The following PTPRO variants were observed in gnomAD, a reference collection of about 807,000 sequenced individuals.
PTPRO encodes the protein protein tyrosine phosphatase receptor type O, also known as receptor-type tyrosine-protein phosphatase O.
In PTPRO, 62 loss-of-function variants were observed where a neutral mutation model predicts 145.2. That is an observed-to-expected ratio of 0.43 (90% CI 0.35 to 0.53). The LOEUF (loss-of-function observed/expected upper bound fraction) is 0.53, where lower values mean the gene tolerates loss of function less well. Among genes scored for constraint, PTPRO ranks in the 20% least tolerant of loss-of-function variants. PTPRO has a pLI of 0.01. For synonymous variants in PTPRO, 565 were observed against 514.7 expected, an observed-to-expected ratio of 1.10 and a Z score of -1.32; for missense variants, 1,345 against 1,482.7, an observed-to-expected ratio of 0.91 and a Z score of 1.53.
chr12:15,522,301 C>T (rs1156708110), intron 10 of PTPRO, among the ~76,000 whole-genome samples: 5 of 150,028 alleles, frequency 3.3e-5, no homozygotes, highest in East Asian at 3.9e-4. Context: ...ACAGAACATG[C>T]AGTTTGTTAC....
At chr12:15,474,138 CAT>C (rs1941603508) in intron 1 of PTPRO, among the ~76,000 whole-genome samples, 1 of 152,102 alleles carries the variant, frequency 6.6e-6, no homozygotes, top group Admixed American at 6.5e-5. Context: ...AAAGAAAAAA[CAT>C]ATATAAACAA....
At chr12:15,417,821 A>G (rs1232930520) in intron 1 of PTPRO, among the ~76,000 whole-genome samples, 1 of 151,714 alleles carries the variant, frequency 6.6e-6, no homozygotes, top group Non-Finnish European at 1.5e-5. Context: ...CTTTAATACT[A>G]GGATTTAGTC....
At chr12:15,554,587 A>C (rs1026287560) in intron 15 of PTPRO, among the ~76,000 whole-genome samples, 7 of 152,134 alleles carry the variant, frequency 4.6e-5, no homozygotes, top group Non-Finnish European at 1.0e-4. Context: ...CCAATGTTGA[A>C]GGGCAGGAAG....
intron 12 of PTPRO, among the ~76,000 whole-genome samples, chr12:15,545,092 A>G (rs964015645): frequency 2.0e-5 from 3 of 152,146 alleles, no homozygotes; most frequent in Admixed American, 6.5e-5. Flanking sequence ...AGTCACAATG[A>G]TGATATTCTA....
intron 1 of PTPRO, among the ~76,000 whole-genome samples, chr12:15,366,343 G>T (rs201871064): frequency 7.3e-6 from 1 of 136,954 alleles, no homozygotes; most frequent in East Asian, 2.0e-4. Flanking sequence ...GGTATATGGT[G>T]CCCTAGCTGA....
At chr12:15,368,460 A>G (rs1257170301) in intron 1 of PTPRO, among the ~76,000 whole-genome samples, 2 of 152,098 alleles carry the variant, frequency 1.3e-5, no homozygotes, top group African/African-American at 2.4e-5. Flanking sequence ...TAATTGATTG[A>G]TTGATTGATT....
intron 6 of PTPRO, among the ~76,000 whole-genome samples, chr12:15,506,301 T>C (rs1055702589): frequency 1.3e-5 from 2 of 152,166 alleles, no homozygotes; most frequent in Non-Finnish European, 2.9e-5. Context: ...AATCAGATTT[T>C]CAAAAGCAAT....
chr12:15,465,531 A>G (rs1941397075), intron 1 of PTPRO, among the ~76,000 whole-genome samples: 1 of 152,238 alleles, frequency 6.6e-6, no homozygotes, highest in Non-Finnish European at 1.5e-5. Context: ...GTAGAGTTGT[A>G]TGTTTCCAGG....
intron 1 of PTPRO, among the ~76,000 whole-genome samples, chr12:15,480,049 C>T (rs185402452): frequency 3.9e-5 from 6 of 152,194 alleles, no homozygotes; most frequent in Non-Finnish European, 7.4e-5. Flanking sequence ...AGGATGAAAC[C>T]AAATATGCCT....
rs1457041239 is a variant in PTPRO, at chr12:15,597,169, T to G, written c.*1096T>G. On this transcript the variant is annotated 3_prime_UTR_variant, in exon 27 of 27. Transcript: ENST00000281171. ...TTTGTTATTCTTTTGGTTGTCAGTTTCATTTTAACGAGTGTAACTAGTAAC... is the reference window on the plus strand; with the variant it reads ...TTTGTTATTCTTTTGGTTGTCAGTTGCATTTTAACGAGTGTAACTAGTAAC... The G allele has an allele frequency of 6.6e-6, 1 of 152,292 alleles. No individual in the cohort carries two copies. Among genetic ancestry groups the G allele is most frequent in the East Asian group, 1.9e-4 (1 of 5,202 alleles). The allele number at this position is 152,292 out of a possible 1,614,324, so 9.4% of individuals were successfully genotyped here. A position where few individuals can be genotyped will look rare whatever the true frequency, so the allele number is the denominator to read the frequency against.
Position 15,596,454 on chromosome 12 carries a change from T to C in PTPRO, c.*381T>C, listed in dbSNP as rs1591784786. 2 of 152,624 alleles carry C rather than the reference T, an allele frequency of 1.3e-5. No individual in the cohort carries two copies. The highest frequency in any genetic ancestry group is 3.8e-4 in the East Asian group (2 of 5,196). 9.5% of individuals were successfully genotyped at this position (152,624 alleles called of 1,614,324 possible). A position where few individuals can be genotyped will look rare whatever the true frequency, so the allele number is the denominator to read the frequency against. On this transcript the variant is annotated 3_prime_UTR_variant, in exon 27 of 27. Coordinates refer to ENST00000281171, the MANE Select transcript of PTPRO (RefSeq NM_030667.3). ...AATTTTTGTGTGTGTGTGATTCTTA[T>C]CAGAAAGTTGAATTGTTTTCTGCCT...
intron 8 of PTPRO, among the ~76,000 whole-genome samples, chr12:15,516,181 G>A (rs1470934116): frequency 6.7e-6 from 1 of 149,970 alleles, no homozygotes; most frequent in African/African-American, 2.4e-5. Context: ...TAGTAGAGAC[G>A]GGGTTTCACC....
intron 1 of PTPRO, among the ~76,000 whole-genome samples, chr12:15,404,644 T>G (rs1939597617): frequency 6.6e-6 from 1 of 152,246 alleles, no homozygotes; most frequent in Admixed American, 6.5e-5. Context: ...TTATTAATCA[T>G]ACTTCATCAG....
chr12:15,571,776 G>A (rs1269053340), intron 19 of PTPRO, among the ~76,000 whole-genome samples: 2 of 152,176 alleles, frequency 1.3e-5, no homozygotes, highest in East Asian at 1.9e-4. Context: ...AGAGAGGGCA[G>A]ATGCACAGAA....
chr12:15,581,644 G>A, intron 22 of PTPRO, 35 bp from the exon 23 acceptor site: 1 of 1,610,330 alleles, frequency 6.2e-7, no homozygotes, highest in Non-Finnish European at 8.5e-7. Context: ...TTCCTAGCCT[G>A]TTTGTTTTAA....
At chr12:15,564,053 C>A (rs1054695982) in intron 17 of PTPRO, among the ~76,000 whole-genome samples, 2 of 152,084 alleles carry the variant, frequency 1.3e-5, no homozygotes, top group Non-Finnish European at 2.9e-5. Flanking sequence ...CAGCTATGTC[C>A]AACATGATAG....
At chr12:15,531,372 A>G (rs1942959133) in intron 12 of PTPRO, among the ~76,000 whole-genome samples, 1 of 152,200 alleles carries the variant, frequency 6.6e-6, no homozygotes. Context: ...TAATATGCCA[A>G]GAAAAATAAT....
At chr12:15,415,560 A>G (rs1565616305) in intron 1 of PTPRO, among the ~76,000 whole-genome samples, 2 of 147,824 alleles carry the variant, frequency 1.4e-5, no homozygotes, top group South Asian at 2.1e-4. Flanking sequence ...AATTTTTTGT[A>G]TTTTTAGTAG....
At chr12:15,455,935 C>A (rs1941165788) in intron 1 of PTPRO, among the ~76,000 whole-genome samples, 1 of 152,164 alleles carries the variant, frequency 6.6e-6, no homozygotes, top group African/African-American at 2.4e-5. Flanking sequence ...CAGCAAACCA[C>A]CATGGTACGT....
Sources: gnomAD v4.1 joint callset for allele counts (sites outside exome capture counted in the v4.1 genomes callset) on GRCh38, gnomAD v4.1.1 for gene constraint, MANE v1.5 for transcripts, NCBI Gene and HGNC (gene_info 2026-07-23, HGNC 2026-07-21) for gene names.